Variants in FAM13B observed in about 807,000 individuals in gnomAD.
FAM13B encodes family with sequence similarity 13 member B, also known as protein FAM13B.
A neutral mutation model predicts 117.3 loss-of-function variants in FAM13B; 60 were observed. That is an observed-to-expected ratio of 0.51 (90% confidence interval 0.42 to 0.63). The LOEUF is 0.63. Among genes scored for constraint, FAM13B ranks in the 30% least tolerant of loss-of-function variants. FAM13B has a pLI of 0.00. For synonymous variants in FAM13B, 332 were observed against 356.1 expected (o/e 0.93, Z 0.76); for missense variants, 972 against 1,091.9 (o/e 0.89, Z 1.55).
intron 1 of FAM13B, among the ~76,000 whole-genome samples, chr5:138,042,979 C>G (rs981008193): frequency 6.6e-6 from 1 of 152,092 alleles, no homozygotes; most frequent in Non-Finnish European, 1.5e-5. Context: ...GTAGTCCCAG[C>G]TACTCGGGAG....
At chr5:137,967,594 G>A (rs777224071) in intron 10 of FAM13B, among the ~76,000 whole-genome samples, 23 of 151,982 alleles carry the variant, frequency 1.5e-4, no homozygotes, top group South Asian at 2.1e-4. Context: ...GTGGACAACT[G>A]GAAACAGAAA....
intron 7 of FAM13B, among the ~76,000 whole-genome samples, chr5:138,003,802 A>G (rs536095169): frequency 9.2e-5 from 14 of 152,364 alleles, no homozygotes; most frequent in South Asian, 4.1e-4. Context: ...TCTCACAGCA[A>G]TAGCCACATG....
Position 137,939,796 on chromosome 5 carries a change from T to C in FAM13B, c.*429A>G. On this transcript the variant is annotated 3_prime_UTR_variant, in exon 24 of 24. Transcript: ENST00000689681. ...ATAGGCTTTTCTTTCAAATTTTCAGTCATTCTGTAAGAAAAAGGCAACAGA... is the reference window on the plus strand; with the variant it reads ...ATAGGCTTTTCTTTCAAATTTTCAGCCATTCTGTAAGAAAAAGGCAACAGA... The C allele has an allele frequency of 8.6e-7, 1 of 1,161,248 alleles. No homozygotes were observed. Among genetic ancestry groups the C allele is most frequent in the South Asian group, 3.0e-5 (1 of 33,866 alleles). The allele number at this position is 1,161,248 out of a possible 1,614,324, so 71.9% of individuals were successfully genotyped here.
chr5:138,034,422 C>T (rs955703030), upstream of FAM13B, among the ~76,000 whole-genome samples: 1 of 152,220 alleles, frequency 6.6e-6, no homozygotes, highest in Non-Finnish European at 1.5e-5. Flanking sequence ...TACTCTGATT[C>T]CAAACTCAGC....
chr5:137,945,303 T>A (rs1763137632), intron 20 of FAM13B, among the ~76,000 whole-genome samples: 1 of 152,226 alleles, frequency 6.6e-6, no homozygotes. Context: ...AGTCATACTA[T>A]CTAAAGGTTA....
intron 1 of FAM13B, among the ~76,000 whole-genome samples, chr5:138,050,417 A>G (rs1791767760): frequency 6.7e-6 from 1 of 150,020 alleles, no homozygotes. Flanking sequence ...AGCCTAGGCA[A>G]CAAGAATGAA....
chr5:138,029,230 T>G lies in FAM13B; in HGVS notation c.-203+3552A>C, dbSNP rs189503615. ...AGCAAGCTCAGAGAGCTGAAGAAACTGGTTCAAAGTTACTGAATTAGCAAC... is the reference window on the plus strand; with the variant it reads ...AGCAAGCTCAGAGAGCTGAAGAAACGGGTTCAAAGTTACTGAATTAGCAAC... On this transcript the variant is annotated intron_variant, in intron 1 of 23. Coordinates refer to ENST00000689681, the MANE Select transcript of FAM13B (RefSeq NM_001385994.1). Among the ~76,000 whole-genome samples the G allele has an allele frequency of 2.6e-5, 4 of 152,298 alleles. No homozygotes were observed. In the East Asian group the frequency reaches 7.7e-4, roughly 29 times the overall value.
chr5:137,977,873 C>T (rs1344496860), intron 10 of FAM13B, among the ~76,000 whole-genome samples: 1 of 152,158 alleles, frequency 6.6e-6, no homozygotes, highest in East Asian at 1.9e-4. Flanking sequence ...ATCAGAGAAA[C>T]TGTTGGAAAC....
intron 1 of FAM13B, among the ~76,000 whole-genome samples, chr5:138,043,911 A>C (rs1001335071): frequency 5.9e-5 from 9 of 151,574 alleles, no homozygotes; most frequent in Non-Finnish European, 5.9e-5. Context: ...CACAATGAAA[A>C]GGGGGGTATT....
chr5:137,989,405 C>T lies in FAM13B; in HGVS notation c.849-1090G>A, dbSNP rs117050067. Among the ~76,000 whole-genome samples the T allele has an allele frequency of 7.1e-4, 108 of 152,298 alleles. 1 individual carries two copies. The East Asian group carries it at 0.019, about 27-fold the overall frequency. Reference sequence around the variant, plus strand: ...CTTGGTCTGACACACATAACCCCTCCTACATATAAAAATATTTTTTGTTAA... The same window carrying T: ...CTTGGTCTGACACACATAACCCCTCTTACATATAAAAATATTTTTTGTTAA... On this transcript the variant is annotated intron_variant, in intron 7 of 23. Coordinates refer to ENST00000689681, the MANE Select transcript of FAM13B (RefSeq NM_001385994.1).
chr5:137,980,993 G>C (rs916684644), intron 10 of FAM13B, among the ~76,000 whole-genome samples: 5 of 148,590 alleles, frequency 3.4e-5, no homozygotes, highest in Admixed American at 6.7e-5. Flanking sequence ...ACGCACTGCA[G>C]CCTTACCTCC....
intron 9 of FAM13B, among the ~76,000 whole-genome samples, chr5:137,986,452 T>C (rs1313045595): frequency 6.2e-5 from 9 of 146,048 alleles, no homozygotes; most frequent in Non-Finnish European, 1.3e-4. Context: ...AATTGATATA[T>C]GAAAAACATG....
chr5:138,039,975 A>C (rs1437089775), intron 1 of FAM13B: 1 of 152,182 alleles, frequency 6.6e-6, no homozygotes, highest in Non-Finnish European at 1.5e-5. Flanking sequence ...TCATAGAAAG[A>C]AACCAACCTG....
rs1760652137 is a variant in FAM13B at position 137,938,048 on chromosome 5, T to C, written c.*2177A>G. ...CATTATACTGGTGGACATATATATC[T>C]ATATATTATTTGTATATAGATATAC... On this transcript the variant is annotated 3_prime_UTR_variant, in exon 24 of 24. Coordinates refer to ENST00000689681, the MANE Select transcript of FAM13B (RefSeq NM_001385994.1). The C allele has an allele frequency of 6.6e-6, 1 of 152,170 alleles. No individual in the cohort carries two copies. The highest frequency in any genetic ancestry group is 1.9e-4 in the East Asian group (1 of 5,200). The allele number at this position is 152,170 out of a possible 1,614,324, so 9.4% of individuals were successfully genotyped here. A position where few individuals can be genotyped will look rare whatever the true frequency, so the allele number is the denominator to read the frequency against.
intron 9 of FAM13B, among the ~76,000 whole-genome samples, chr5:137,986,039 T>G (rs1413528894): frequency 6.6e-6 from 1 of 152,192 alleles, no homozygotes; most frequent in Non-Finnish European, 1.5e-5. Context: ...CTTCACATTC[T>G]GCCCAAATAC....
At chr5:137,944,861 T>C (rs1347759820) in intron 20 of FAM13B, among the ~76,000 whole-genome samples, 3 of 149,826 alleles carry the variant, frequency 2.0e-5, no homozygotes, top group East Asian at 2.0e-4. Context: ...GCAAACCAAA[T>C]ACTGAATGTG....
intron 1 of FAM13B, among the ~76,000 whole-genome samples, chr5:138,048,135 G>T (rs1000305734): frequency 6.6e-6 from 1 of 152,100 alleles, no homozygotes; most frequent in Non-Finnish European, 1.5e-5. Context: ...TAGGTTTACA[G>T]AAAAATAAAG....
At chr5:138,050,229 G>A (rs1240342380) in intron 1 of FAM13B, among the ~76,000 whole-genome samples, 2 of 152,006 alleles carry the variant, frequency 1.3e-5, no homozygotes, top group Admixed American at 1.3e-4. Flanking sequence ...CCTGAGATGG[G>A]GAGTTCAAGA....
At chr5:137,960,068 T>C (rs1767718503) in intron 12 of FAM13B, 98 bp downstream of exon 12, 1 of 783,224 alleles carries the variant, frequency 1.3e-6, no homozygotes, top group Non-Finnish European at 2.1e-6. Context: ...GTATTTATAT[T>C]TAAATCTTTA....
Sources: gnomAD v4.1 joint callset for allele counts (sites outside exome capture counted in the v4.1 genomes callset) on GRCh38, gnomAD v4.1.1 for gene constraint, MANE v1.5 for transcripts, NCBI Gene and HGNC (gene_info 2026-07-23, HGNC 2026-07-21) for gene names.